Variants in CADM1 observed in about 807,000 individuals in gnomAD.
The protein encoded by CADM1 is cell adhesion molecule 1.
Under a neutral mutation model 53.1 loss-of-function variants are expected in CADM1, and 15 were observed. That is an observed-to-expected ratio of 0.28 (90% CI 0.19 to 0.44). The LOEUF is 0.44. Among genes scored for constraint, CADM1 ranks in the 20% least tolerant of loss-of-function variants. The pLI is 1.00. For missense variants in CADM1, 434 were observed against 611.3 expected (o/e 0.71, Z 3.06); for synonymous variants, 281 against 243.0 (o/e 1.16, Z -1.45).
At chr11:115,435,741 T>TA (rs1948170133) in intron 1 of CADM1, among the ~76,000 whole-genome samples, 1 of 150,528 alleles carries the variant, frequency 6.6e-6, no homozygotes, top group Admixed American at 6.6e-5. Flanking sequence ...AAAAAATAAA[T>TA]AAAATAAAAT....
At chr11:115,239,703 A>C in intron 2 of CADM1, among the ~76,000 whole-genome samples, 1 of 147,704 alleles carries the variant, frequency 6.8e-6, no homozygotes. Flanking sequence ...CTCTCCAATA[A>C]CAGTTTTTGG....
intron 11 of CADM1, 141 bp downstream of exon 11, chr11:115,178,503 C>G: frequency 7.7e-5 from 28 of 364,058 alleles, no homozygotes; most frequent in East Asian, 2.6e-4. Flanking sequence ...TTTTTTTTCT[C>G]TTCTCTCTCT....
intron 8 of CADM1, among the ~76,000 whole-genome samples, chr11:115,199,342 T>C (rs1591597457): frequency 6.6e-6 from 1 of 152,014 alleles, no homozygotes; most frequent in African/African-American, 2.4e-5. Flanking sequence ...TAGGAGAGAG[T>C]GCAGTTTTTT....
chr11:115,306,857 G>A (rs1370461212), intron 1 of CADM1, among the ~76,000 whole-genome samples: 2 of 151,908 alleles, frequency 1.3e-5, no homozygotes, highest in African/African-American at 4.8e-5. Flanking sequence ...GTTTTAATTT[G>A]GTTAATGCAC....
chr11:115,369,395 T>C (rs1489017702), intron 1 of CADM1, among the ~76,000 whole-genome samples: 3 of 152,194 alleles, frequency 2.0e-5, no homozygotes, highest in Non-Finnish European at 4.4e-5. Context: ...GCAAGTAATA[T>C]GAACTGGGCA....
chr11:115,348,605 A>G (rs1212304022), intron 1 of CADM1, among the ~76,000 whole-genome samples: 1 of 152,172 alleles, frequency 6.6e-6, no homozygotes, highest in Non-Finnish European at 1.5e-5. Flanking sequence ...CTAAGTGCAC[A>G]GGCAAGAGAC....
chr11:115,224,212 T>C (rs1941514946), intron 5 of CADM1, among the ~76,000 whole-genome samples: 2 of 152,070 alleles, frequency 1.3e-5, no homozygotes, highest in African/African-American at 4.8e-5. Context: ...CAGAGAAACA[T>C]TTATTTTGGC....
Position 115,484,337 on chromosome 11 carries a change from C to T in CADM1, c.124+19934G>A, listed in dbSNP as rs532788274. 2.0e-4 allele frequency among the ~76,000 whole-genome samples: 30 copies of T among 152,244 alleles called. 2 individuals are homozygous for T. In the South Asian group the frequency reaches 5.4e-3, roughly 27 times the overall value. ...GCTGACCTAGATTCTTCCTGCCATC[C>T]GGAAAGTGCTCCCTGTGCTACACTA... On this transcript the variant is annotated intron_variant, in intron 1 of 11. Transcript: ENST00000331581.
At chr11:115,249,615 T>C (rs1942524844) in intron 1 of CADM1, among the ~76,000 whole-genome samples, 1 of 152,200 alleles carries the variant, frequency 6.6e-6, no homozygotes, top group Non-Finnish European at 1.5e-5. Context: ...GATACAAATA[T>C]TAGGTTCTAC....
At position 115,172,117 on chromosome 11, in the gene CADM1, C is replaced by T. The variant is rs11606837; in HGVS notation, c.*4357G>A. The T allele has an allele frequency of 0.39, 58,725 of 152,230 alleles. 13,571 individuals carry two copies. Among genetic ancestry groups the T allele is most frequent in the Non-Finnish European group, 0.53 (35,716 of 68,014 alleles). The allele number at this position is 152,230 out of a possible 1,614,324, so 9.4% of individuals were successfully genotyped here. On this transcript the variant is annotated 3_prime_UTR_variant, in exon 12 of 12. Coordinates refer to ENST00000331581, the MANE Select transcript of CADM1 (RefSeq NM_001301043.2). ...ACCTTGCAGAGCAAGAGACTGAAGC[C>T]AGGTAGGCTGGGCTACTCACCCGAG...
At position 115,215,067 on chromosome 11, in the gene CADM1, C is replaced by T. The variant is rs370036803; in HGVS notation, c.822-287G>A. Among the ~76,000 whole-genome samples, 9 of 152,292 alleles carry T rather than the reference C, an allele frequency of 5.9e-5. No homozygotes were observed. The East Asian group carries it at 9.7e-4, about 16-fold the overall frequency. On this transcript the variant is annotated intron_variant, in intron 6 of 11. Coordinates refer to ENST00000331581, the MANE Select transcript of CADM1 (RefSeq NM_001301043.2). ...AAACAGTGTGCCTATTTTTATGCCCCGCTGTGTGGTTTCACACCAACTCAG... is the reference window on the plus strand; with the variant it reads ...AAACAGTGTGCCTATTTTTATGCCCTGCTGTGTGGTTTCACACCAACTCAG...
chr11:115,384,253 T>C (rs565521652), intron 1 of CADM1, among the ~76,000 whole-genome samples: 2 of 152,328 alleles, frequency 1.3e-5, no homozygotes, highest in South Asian at 2.1e-4. Context: ...AAATTAATGG[T>C]GCTCTTTTAA....
chr11:115,380,331 A>G (rs559950270), intron 1 of CADM1, among the ~76,000 whole-genome samples: 1 of 152,308 alleles, frequency 6.6e-6, no homozygotes, highest in African/African-American at 2.4e-5. Context: ...CAGCCCTCGC[A>G]TGCCAGTCCT....
intron 1 of CADM1, among the ~76,000 whole-genome samples, chr11:115,250,942 G>A (rs1022115903): frequency 6.6e-6 from 1 of 152,152 alleles, no homozygotes; most frequent in South Asian, 2.1e-4. Flanking sequence ...TAAGCTTTAC[G>A]ATGCTAAAAG....
At chr11:115,356,486 A>T (rs1236026945) in intron 1 of CADM1, among the ~76,000 whole-genome samples, 1 of 152,150 alleles carries the variant, frequency 6.6e-6, no homozygotes, top group East Asian at 1.9e-4. Context: ...ACCATGGCAC[A>T]TAAAGTGTCC....
intron 1 of CADM1, among the ~76,000 whole-genome samples, chr11:115,261,361 A>G (rs1196760425): frequency 6.6e-6 from 1 of 152,196 alleles, no homozygotes; most frequent in Non-Finnish European, 1.5e-5. Flanking sequence ...ACTACTTCTT[A>G]GAATTAATGC....
At chr11:115,231,757 C>A (rs531306100) in intron 3 of CADM1, among the ~76,000 whole-genome samples, 2 of 152,044 alleles carry the variant, frequency 1.3e-5, no homozygotes, top group African/African-American at 2.4e-5. Flanking sequence ...GAGGCCGAGG[C>A]GGGCAGATTA....
chr11:115,215,605 T>A (rs1304500301), intron 6 of CADM1, among the ~76,000 whole-genome samples: 1 of 152,220 alleles, frequency 6.6e-6, no homozygotes, highest in East Asian at 1.9e-4. Flanking sequence ...GAGACAAGTT[T>A]GTTTTAGTGA....
intron 1 of CADM1, among the ~76,000 whole-genome samples, chr11:115,476,855 T>C (rs1242482604): frequency 1.3e-5 from 2 of 152,184 alleles, no homozygotes; most frequent in African/African-American, 4.8e-5. Context: ...GTTAACAGCA[T>C]GCTGACGTCC....
Sources: gnomAD v4.1 joint callset for allele counts (sites outside exome capture counted in the v4.1 genomes callset) on GRCh38, gnomAD v4.1.1 for gene constraint, MANE v1.5 for transcripts, NCBI Gene and HGNC (gene_info 2026-07-23, HGNC 2026-07-21) for gene names.